The following CSMD3 variants were observed in gnomAD, a reference collection of about 807,000 sequenced individuals.
CSMD3 encodes CUB and Sushi multiple domains 3.
CSMD3 carries 177 observed loss-of-function variants against 435.2 expected under a neutral mutation model. That is an observed-to-expected ratio of 0.41 (90% CI 0.36 to 0.46). The LOEUF is 0.46. Among genes scored for constraint, CSMD3 ranks in the 20% least tolerant of loss-of-function variants. The probability of loss-of-function intolerance (pLI) is 0.34; values close to 1 mark genes in which losing one functional copy is unlikely to be tolerated. For synonymous variants in CSMD3, 1,656 were observed against 1,520.5 expected, an observed-to-expected ratio of 1.09 and a Z score of -2.07; for missense variants, 4,265 against 4,504.6, an observed-to-expected ratio of 0.95 and a Z score of 1.52.
At chr8:113,324,217 A>G (rs2093967980) in intron 1 of CSMD3, among the ~76,000 whole-genome samples, 1 of 152,194 alleles carries the variant, frequency 6.6e-6, no homozygotes, top group Non-Finnish European at 1.5e-5. Context: ...AATTTGCATA[A>G]GTTACGTGGA....
At chr8:112,226,790 C>T (rs574340831) in intron 70 of CSMD3, among the ~76,000 whole-genome samples, 1 of 152,168 alleles carries the variant, frequency 6.6e-6, no homozygotes, top group African/African-American at 2.4e-5. Context: ...CCAACAAGCA[C>T]ATAAAAGGAT....
intron 14 of CSMD3, among the ~76,000 whole-genome samples, chr8:112,688,288 A>C (rs2076056540): frequency 1.3e-5 from 2 of 152,062 alleles, no homozygotes; most frequent in Non-Finnish European, 2.9e-5. Context: ...TCATACTTTA[A>C]ATTCTTAATT....
At chr8:112,610,804 C>T (rs1381347792) in intron 22 of CSMD3, among the ~76,000 whole-genome samples, 1 of 152,128 alleles carries the variant, frequency 6.6e-6, no homozygotes, top group African/African-American at 2.4e-5. Context: ...TCTCTAGAGG[C>T]TGAATGGAGT....
At chr8:112,655,360 G>A (rs971189932) in intron 18 of CSMD3, among the ~76,000 whole-genome samples, 1 of 151,930 alleles carries the variant, frequency 6.6e-6, no homozygotes, top group Non-Finnish European at 1.5e-5. Flanking sequence ...TATCAAAAGT[G>A]CATTTCACGT....
intron 11 of CSMD3, among the ~76,000 whole-genome samples, chr8:112,839,172 T>C (rs533700828): frequency 1.2e-3 from 186 of 151,860 alleles, no homozygotes; most frequent in Non-Finnish European, 2.3e-3. Flanking sequence ...TTGCAAGGGC[T>C]CATATTTTAG....
chr8:112,316,691 T>A (rs1276190356), intron 47 of CSMD3, among the ~76,000 whole-genome samples: 1 of 151,870 alleles, frequency 6.6e-6, no homozygotes, highest in East Asian at 1.9e-4. Context: ...ATTGTACATA[T>A]GAGAAAACTG....
intron 4 of CSMD3, among the ~76,000 whole-genome samples, chr8:113,164,492 T>C (rs2092111775): frequency 6.6e-6 from 1 of 151,788 alleles, no homozygotes; most frequent in Non-Finnish European, 1.5e-5. Flanking sequence ...GACCCAGTTT[T>C]ACATACATAA....
At chr8:113,107,084 C>G (rs181744772) in intron 4 of CSMD3, among the ~76,000 whole-genome samples, 1 of 152,188 alleles carries the variant, frequency 6.6e-6, no homozygotes, top group South Asian at 2.1e-4. Context: ...ACCACAGGCT[C>G]TATAGATTTG....
chr8:113,126,801 C>T lies in CSMD3; in HGVS notation c.710-27838G>A, dbSNP rs74787281. Among the ~76,000 whole-genome samples the T allele has an allele frequency of 6.8e-3, 1,029 of 151,956 alleles. 13 individuals carry two copies. Among genetic ancestry groups the T allele is most frequent in the African/African-American group, 0.023 (962 of 41,494 alleles). ...AGGATTCTGTTTACCCTGCAAGCCT[C>T]GGTTATTTCCACCCCTTCCCTCCAC... On this transcript the variant is annotated intron_variant, in intron 4 of 70. Coordinates refer to ENST00000297405, the MANE Select transcript of CSMD3 (RefSeq NM_198123.2).
At chr8:112,913,071 T>C (rs1405207721) in intron 10 of CSMD3, among the ~76,000 whole-genome samples, 1 of 151,964 alleles carries the variant, frequency 6.6e-6, no homozygotes, top group African/African-American at 2.4e-5. Context: ...TTCTCATCAT[T>C]AGCCTTGTTT....
intron 7 of CSMD3, among the ~76,000 whole-genome samples, chr8:112,972,213 T>C (rs1019378554): frequency 6.6e-6 from 1 of 151,796 alleles, no homozygotes; most frequent in African/African-American, 2.4e-5. Flanking sequence ...TCAAAAGACA[T>C]AAAACTGAAA....
intron 24 of CSMD3, among the ~76,000 whole-genome samples, chr8:112,567,972 G>A (rs1829192739): frequency 6.6e-6 from 1 of 152,160 alleles, no homozygotes; most frequent in Non-Finnish European, 1.5e-5. Context: ...TATTTGGGAT[G>A]AGTTTCAGAT....
At chr8:113,341,673 G>A (rs758259963) in intron 1 of CSMD3, among the ~76,000 whole-genome samples, 15 of 152,004 alleles carry the variant, frequency 9.9e-5, no homozygotes, top group South Asian at 2.1e-4. Flanking sequence ...TTTGATTCCC[G>A]AAGGAGTTAA....
Position 112,351,293 on chromosome 8 carries a change from A to T in CSMD3, c.6256-49T>A, listed in dbSNP as rs367602476. On this transcript the variant is annotated intron_variant, in intron 39 of 70. Transcript: ENST00000297405. ...TCAGTACACATACATAAAAAGTTTA[A>T]ATTTATTGTAGCATAGTCAATTATT... The T allele has an allele frequency of 5.5e-5, 67 of 1,209,006 alleles. No homozygotes were observed. In the African/African-American group the frequency reaches 9.5e-4, roughly 17 times the overall value. 74.9% of individuals were successfully genotyped at this position (1,209,006 alleles called of 1,614,324 possible). A position where few individuals can be genotyped will look rare whatever the true frequency, so the allele number is the denominator to read the frequency against.
Position 112,304,349 on chromosome 8 carries a change from T to C in CSMD3, c.8266+372A>G, listed in dbSNP as rs565419459. ...CTATCATTTATAGGCTCTCTGACTT[T>C]AATAGAATGATTACATCTGGGGCAA... On this transcript the variant is annotated intron_variant, in intron 52 of 70. Coordinates refer to ENST00000297405, the MANE Select transcript of CSMD3 (RefSeq NM_198123.2). 1.4e-3 allele frequency among the ~76,000 whole-genome samples: 208 copies of C among 151,566 alleles called. 1 individual carries two copies. The highest frequency in any genetic ancestry group is 4.9e-3 in the African/African-American group (204 of 41,440).
chr8:113,359,459 G>A (rs1034295294), intron 1 of CSMD3, among the ~76,000 whole-genome samples: 1 of 152,214 alleles, frequency 6.6e-6, no homozygotes, highest in African/African-American at 2.4e-5. Flanking sequence ...AGGAAACAGA[G>A]CGGGGGCAAA....
intron 5 of CSMD3, among the ~76,000 whole-genome samples, chr8:113,047,019 T>C (rs916051758): frequency 1.3e-5 from 2 of 152,186 alleles, no homozygotes; most frequent in Non-Finnish European, 2.9e-5. Flanking sequence ...GGCCAGGGTA[T>C]ACACCATCAG....
intron 22 of CSMD3, among the ~76,000 whole-genome samples, chr8:112,620,567 T>C (rs899035584): frequency 1.3e-5 from 2 of 152,100 alleles, no homozygotes; most frequent in African/African-American, 4.8e-5. Context: ...CCCTCCTTTC[T>C]ACAAATAAGC....
At chr8:112,711,873 C>T (rs2076616563) in intron 13 of CSMD3, among the ~76,000 whole-genome samples, 1 of 152,026 alleles carries the variant, frequency 6.6e-6, no homozygotes, top group Admixed American at 6.6e-5. Flanking sequence ...AAATATAATC[C>T]TGCCTCAGCC....
Sources: allele counts gnomAD v4.1 joint callset (sites outside exome capture counted in the v4.1 genomes callset), GRCh38; gene constraint gnomAD v4.1.1; transcripts MANE v1.5; gene names NCBI Gene and HGNC (gene_info 2026-07-23, HGNC 2026-07-21).